The following PDAP1 variants were observed in gnomAD, a reference collection of about 807,000 sequenced individuals.
The protein encoded by PDAP1 is PDGFA associated protein 1.
Under a neutral mutation model 28.0 loss-of-function variants are expected in PDAP1, and 13 were observed. The observed-to-expected ratio is 0.46, with a 90% CI of 0.30 to 0.74. The LOEUF (loss-of-function observed/expected upper bound fraction) is 0.74. Ranked by LOEUF, PDAP1 falls within the 30% of genes least tolerant of loss-of-function variation. PDAP1 has a pLI of 0.07. For synonymous variants in PDAP1, 77 were observed against 85.1 expected, an observed-to-expected ratio of 0.91 and a Z score of 0.52; for missense variants, 150 against 230.0, an observed-to-expected ratio of 0.65 and a Z score of 2.25.
At position 99,400,395 on chromosome 7, in the gene PDAP1, G is replaced by C. The variant is rs562711859; in HGVS notation, c.243C>G (p.Ile81Met). The C allele has an allele frequency of 6.2e-7, 1 of 1,614,128 alleles. No individual in the cohort carries two copies. Among genetic ancestry groups the C allele is most frequent in the East Asian group, 2.2e-5 (1 of 44,878 alleles). Residue 81 changes from isoleucine (I) to methionine (M), a missense_variant, in exon 4 of 6, where the codon ATC (isoleucine) becomes ATG (methionine). Transcript: ENST00000350498. ...CCACCCGGTTGGGGTTCTCGATGTC[G>C]ATGAGCCCTTCAACGCCTTTGCGCT... The part of the protein sequence containing the change: ...QQKRKGVEGL[I>M]DIENPNRVAQ...
At position 99,403,425 on chromosome 7, in the gene PDAP1, C is replaced by G. The variant is rs1794917033; in HGVS notation, c.186G>C (p.Glu62Asp). The change falls in exon 3 of 6, where the codon GAG becomes GAC. Residue 62 changes from glutamate to aspartate, a missense_variant. Coordinates refer to ENST00000350498, the MANE Select transcript of PDAP1 (RefSeq NM_014891.7). ...GGTAGTCATCTTCTTCATCCTCACT[C>G]TCATCTGAGTCTAGAGATTTCTTCT... ...KKEKKSLDSDESEDEEDDYQQ... is the reference protein window; with the variant it reads ...KKEKKSLDSDDSEDEEDDYQQ... The G allele has an allele frequency of 6.2e-7, 1 of 1,607,286 alleles. No homozygotes were observed. Among genetic ancestry groups the G allele is most frequent in the Non-Finnish European group, 8.5e-7 (1 of 1,173,752 alleles).
At chr7:99,404,373 A>G (rs924550060) in intron 2 of PDAP1, among the ~76,000 whole-genome samples, 1 of 152,080 alleles carries the variant, frequency 6.6e-6, no homozygotes, top group Non-Finnish European at 1.5e-5. Context: ...GGAACTACTA[A>G]ATCAGCTCTG....
chr7:99,400,233 A>G, intron 4 of PDAP1, 70 bp downstream of exon 4: 1 of 1,556,318 alleles, frequency 6.4e-7, no homozygotes, highest in Non-Finnish European at 8.8e-7. Context: ...CCAGCTGGGG[A>G]CCTTAGCATC....
In PDAP1 at chr7:99,403,557, A is replaced by AAGACTGTGACCCTATCACCCCCC; in HGVS notation, c.106-75_106-53dup. Reference sequence around the variant, plus strand: ...AATCAAAAATGCAAAACAAATCCCCAAGACTGTGACCCTATCACCCCCCAG... The same window carrying AAGACTGTGACCCTATCACCCCCC: ...AATCAAAAATGCAAAACAAATCCCCAAGACTGTGACCCTATCACCCCCCAGACTGTGACCCTATCACCCCCCAG... On this transcript the variant is annotated intron_variant, in intron 2 of 5. Coordinates refer to ENST00000350498, the MANE Select transcript of PDAP1 (RefSeq NM_014891.7). 8 of 1,154,746 alleles carry AAGACTGTGACCCTATCACCCCCC rather than the reference A, an allele frequency of 6.9e-6. No homozygotes were observed. The South Asian group carries it at 9.8e-5, about 14-fold the overall frequency. 71.5% of individuals were successfully genotyped at this position (1,154,746 alleles called of 1,614,324 possible). A position where few individuals can be genotyped will look rare whatever the true frequency, so the allele number is the denominator to read the frequency against.
Position 99,396,176 on chromosome 7 carries a change from T to TGAC in PDAP1, c.*505_*506insGTC, listed in dbSNP as rs1231690258. ...CAGAGAGGTGAGGCCCTGAGGTCAGTCAGACAGGACTGACCAGGGACAAGC... is the reference window on the plus strand; with the variant it reads ...CAGAGAGGTGAGGCCCTGAGGTCAGTGACCAGACAGGACTGACCAGGGACAAGC... On this transcript the variant is annotated 3_prime_UTR_variant, in exon 6 of 6. Transcript: ENST00000350498. 18 of 173,902 alleles carry TGAC rather than the reference T, an allele frequency of 1.0e-4. No homozygotes were observed. Among genetic ancestry groups the TGAC allele is most frequent in the African/African-American group, 4.3e-4 (18 of 41,584 alleles). 10.8% of individuals were successfully genotyped at this position (173,902 alleles called of 1,614,324 possible). A position where few individuals can be genotyped will look rare whatever the true frequency, so the allele number is the denominator to read the frequency against.
chr7:99,399,088 G>A (rs929748706), intron 4 of PDAP1, among the ~76,000 whole-genome samples: 1 of 152,078 alleles, frequency 6.6e-6, no homozygotes, highest in Non-Finnish European at 1.5e-5. Context: ...AGGAGGGGAG[G>A]GCCCTGCCTG....
Position 99,406,908 on chromosome 7 carries a change from A to G in PDAP1, c.13+1628T>C, listed in dbSNP as rs142656995. ...AGGGGTGTCTAAGTCTATGCTTATTAAAGTCCTATTGTGAGAGAGCAAGTG... is the reference window on the plus strand; with the variant it reads ...AGGGGTGTCTAAGTCTATGCTTATTGAAGTCCTATTGTGAGAGAGCAAGTG... On this transcript the variant is annotated intron_variant, in intron 1 of 5. Coordinates refer to ENST00000350498, the MANE Select transcript of PDAP1 (RefSeq NM_014891.7). Among the ~76,000 whole-genome samples, 1,250 of 152,268 alleles carry G rather than the reference A, an allele frequency of 8.2e-3. 15 individuals carry two copies. Among genetic ancestry groups the G allele is most frequent in the African/African-American group, 0.027 (1,140 of 41,548 alleles).
rs906983127 is a variant in PDAP1 at position 99,396,599 on chromosome 7, G to A, written c.*83C>T. Reference sequence around the variant, plus strand: ...GGCCATGAGGGGCTGTTGCAGCGGCGCCAGGGCACAGGGTGGGCGAGACAC... The same window carrying A: ...GGCCATGAGGGGCTGTTGCAGCGGCACCAGGGCACAGGGTGGGCGAGACAC... On this transcript the variant is annotated 3_prime_UTR_variant, in exon 6 of 6. Coordinates refer to ENST00000350498, the MANE Select transcript of PDAP1 (RefSeq NM_014891.7). 5.5e-5 allele frequency: 62 copies of A among 1,120,468 alleles called. No homozygotes were observed. Among genetic ancestry groups the A allele is most frequent in the Admixed American group, 1.9e-4 (11 of 56,494 alleles). 69.4% of individuals were successfully genotyped at this position (1,120,468 alleles called of 1,614,324 possible).
At chr7:99,408,410 C>T in intron 1 of PDAP1, 126 bp downstream of exon 1, 1 of 865,396 alleles carries the variant, frequency 1.2e-6, no homozygotes, top group Non-Finnish European at 1.6e-6. Context: ...CCAGGCCTGG[C>T]TCTCAGCCGG....
At chr7:99,400,546 C>T (rs900800116) in intron 3 of PDAP1, 122 bp from the exon 4 acceptor site, 44 of 1,098,042 alleles carry the variant, frequency 4.0e-5, no homozygotes, top group South Asian at 2.6e-4. Flanking sequence ...CCCCAGCCCA[C>T]GTAGTGCTCA....
At chr7:99,401,247 G>A (rs962516736) in intron 3 of PDAP1, among the ~76,000 whole-genome samples, 2 of 152,060 alleles carry the variant, frequency 1.3e-5, no homozygotes, top group Non-Finnish European at 2.9e-5. Context: ...TCCTTGATTC[G>A]TCGTTCCTTC....
rs2150901115 is a variant in PDAP1 at position 99,394,993 on chromosome 7, G to A, written c.*1689C>T. 3 of 303,290 alleles carry A rather than the reference G, an allele frequency of 9.9e-6. No individual in the cohort carries two copies. Among genetic ancestry groups the A allele is most frequent in the Admixed American group, 1.2e-4 (2 of 17,296 alleles). The allele number at this position is 303,290 out of a possible 1,614,324, so 18.8% of individuals were successfully genotyped here. A position where few individuals can be genotyped will look rare whatever the true frequency, so the allele number is the denominator to read the frequency against. ...GGTAGATAGCTTATTTTTACTGCTT[G>A]CCAACAAAATTGATCCTGAAGCCCA... On this transcript the variant is annotated 3_prime_UTR_variant, in exon 6 of 6. Transcript: ENST00000350498.
At chr7:99,408,259 G>A (rs1365316755) in intron 1 of PDAP1, among the ~76,000 whole-genome samples, 5 of 152,154 alleles carry the variant, frequency 3.3e-5, no homozygotes, top group Non-Finnish European at 5.9e-5. Flanking sequence ...AGAACCCCTA[G>A]ACCCGGAGAA....
intron 3 of PDAP1, among the ~76,000 whole-genome samples, chr7:99,402,043 G>A (rs1794876747): frequency 6.6e-6 from 1 of 151,856 alleles, no homozygotes; most frequent in African/African-American, 2.4e-5. Context: ...GCCAAGGCAG[G>A]CAGATCACGA....
At chr7:99,402,206 G>A (rs1794880641) in intron 3 of PDAP1, among the ~76,000 whole-genome samples, 1 of 144,264 alleles carries the variant, frequency 6.9e-6, no homozygotes, top group Admixed American at 6.9e-5. Flanking sequence ...TCCAGCCTGG[G>A]CGACAGAGAG....
In PDAP1 at chr7:99,396,113, GGCCC is replaced by G. The variant is rs1794752093; in HGVS notation, c.*565_*568del. ...ATGGGTAGGGCTGAAAATGGGCACT[GGCCC>G]TAGCCAGGTGAGTAGGAACCGGGCA... On this transcript the variant is annotated 3_prime_UTR_variant, in exon 6 of 6. Coordinates refer to ENST00000350498, the MANE Select transcript of PDAP1 (RefSeq NM_014891.7). 6.4e-6 allele frequency: 1 copy of G among 157,028 alleles called. No individual in the cohort carries two copies. Among genetic ancestry groups the G allele is most frequent in the South Asian group, 1.8e-4 (1 of 5,482 alleles). 9.7% of individuals were successfully genotyped at this position (157,028 alleles called of 1,614,324 possible). A position where few individuals can be genotyped will look rare whatever the true frequency, so the allele number is the denominator to read the frequency against.
intron 3 of PDAP1, among the ~76,000 whole-genome samples, chr7:99,402,432 C>T (rs1208706755): frequency 2.0e-5 from 3 of 151,304 alleles, no homozygotes; most frequent in Admixed American, 6.6e-5. Flanking sequence ...TAGTGAGATC[C>T]CTATCTCTAC....
chr7:99,406,461 T>C, intron 1 of PDAP1: 1 of 589,096 alleles, frequency 1.7e-6, no homozygotes, highest in Non-Finnish European at 2.1e-6. Flanking sequence ...ACTTTGTGCT[T>C]AGACTAAGAA....
At chr7:99,404,800 G>A in intron 2 of PDAP1, 62 bp downstream of exon 2, 1 of 1,382,616 alleles carries the variant, frequency 7.2e-7, no homozygotes, top group Non-Finnish European at 1.0e-6. Context: ...GCCTCTCTAT[G>A]AACCAAATTG....
Sources: allele counts gnomAD v4.1 joint callset (sites outside exome capture counted in the v4.1 genomes callset), GRCh38; gene constraint gnomAD v4.1.1; transcripts MANE v1.5; gene names NCBI Gene and HGNC (gene_info 2026-07-23, HGNC 2026-07-21).